SNRPN: variants seen among roughly 807,000 people sequenced by gnomAD.
SNRPN encodes small nuclear ribonucleoprotein polypeptide N.
A neutral mutation model predicts 25.2 loss-of-function variants in SNRPN; 7 were observed. The observed-to-expected ratio is 0.28, with a 90% confidence interval of 0.16 to 0.52. The LOEUF is 0.52. SNRPN is among the 20% of genes least tolerant of loss of function. The pLI, the probability that SNRPN is intolerant of heterozygous loss-of-function variation, is 0.96. For missense variants in SNRPN, 196 were observed against 322.5 expected (o/e 0.61, Z 3.00); for synonymous variants, 124 against 110.6 (o/e 1.12, Z -0.76).
At chr15:24,954,795 T>C, upstream of SNRPN, 1 of 570,372 alleles carries the variant, frequency 1.8e-6, no homozygotes. Flanking sequence ...AGAGGCCCCC[T>C]CTCATTGCAA....
intron 3 of SNRPN, among the ~76,000 whole-genome samples, chr15:24,921,896 T>C (rs11629768): frequency 0.72 from 109,258 of 152,002 alleles, 39,316 homozygotes; most frequent in South Asian, 0.82. Context: ...TATATGTTAG[T>C]GACGATAAAA....
At chr15:24,960,973 C>G (rs2074705012) in intron 1 of SNRPN, among the ~76,000 whole-genome samples, 1 of 151,856 alleles carries the variant, frequency 6.6e-6, no homozygotes, top group African/African-American at 2.4e-5. Flanking sequence ...TTTGGATTTT[C>G]TTTTTGTTTG....
intron 1 of SNRPN, among the ~76,000 whole-genome samples, chr15:24,956,355 G>GGGGGGC (rs2062883287): frequency 1.5e-5 from 1 of 66,050 alleles, no homozygotes; most frequent in Admixed American, 1.8e-4. Flanking sequence ...GCGCTTCAGC[G>GGGGGGC]GGGGGGTGGC....
intron 1 of SNRPN, among the ~76,000 whole-genome samples, chr15:24,867,054 C>A (rs151010598): frequency 3.2e-3 from 494 of 152,278 alleles, no homozygotes; most frequent in Non-Finnish European, 5.3e-3. Context: ...TTAACAATTT[C>A]TGCCTCATAG....
rs143144456 is a variant in SNRPN at position 24,831,551 on chromosome 15, T to C, written c.-579+1646T>C. On this transcript the variant is annotated intron_variant, in intron 2 of 12. Coordinates refer to the SNRPN transcript ENST00000400100. ...AATTTATTGTTAACTATAGTTACCA[T>C]GTTGTACAATCTCTTGATCTTTTTC... is the stretch of plus-strand genomic sequence containing the variant. 7.4e-3 allele frequency among the ~76,000 whole-genome samples: 1,123 copies of C among 152,168 alleles called. 20 individuals carry two copies. Among genetic ancestry groups the C allele is most frequent in the African/African-American group, 0.026 (1,064 of 41,430 alleles).
Position 24,955,005 on chromosome 15 carries a change from C to A in SNRPN, c.-448C>A. 6.2e-7 allele frequency: 1 copy of A among 1,611,446 alleles called. No individual in the cohort carries two copies. Among genetic ancestry groups the A allele is most frequent in the Non-Finnish European group, 8.5e-7 (1 of 1,179,652 alleles). On this transcript the variant is annotated 5_prime_UTR_variant, in exon 1 of 10. Transcript: ENST00000390687. ...GTCTGGCGCAGAGTGGAGCGGCCGC[C>A]GGAGATGCCTGACGCATCTGTCTGA...
chr15:24,834,728 C>CTCTCTCTCTCT lies in SNRPN; in HGVS notation c.-579+4823_-579+4824insTCTCTCTCTCT, dbSNP rs2050864758. On this transcript the variant is annotated intron_variant, in intron 2 of 12. Transcript: ENST00000400100. The stretch of plus-strand genomic sequence containing the variant: ...GAGTGAGACCTTGTCTCTCTCTCTC[C>CTCTCTCTCTCT]CTCTCTCTCTCTCTCTCTCTCTCTA... Among the ~76,000 whole-genome samples the CTCTCTCTCTCT allele has an allele frequency of 2.4e-3, 101 of 42,784 alleles. 5 individuals carry two copies. Among genetic ancestry groups the CTCTCTCTCTCT allele is most frequent in the Non-Finnish European group, 3.4e-3 (76 of 22,438 alleles). 28.1% of individuals were successfully genotyped at this position (42,784 alleles called of 152,430 possible).
chr15:24,874,435 TTAGAG>T (rs1450431108), intron 1 of SNRPN, among the ~76,000 whole-genome samples: 2 of 151,772 alleles, frequency 1.3e-5, no homozygotes, highest in Non-Finnish European at 2.9e-5. Flanking sequence ...TTCTCAGGCT[TTAGAG>T]TAAAGGTGGT....
intron 1 of SNRPN, among the ~76,000 whole-genome samples, chr15:24,881,911 G>A (rs1305596580): frequency 1.3e-5 from 2 of 152,110 alleles, no homozygotes; most frequent in Admixed American, 6.6e-5. Flanking sequence ...TCCTGGGCAG[G>A]CAAAAGAGCG....
intron 3 of SNRPN, among the ~76,000 whole-genome samples, chr15:24,948,321 C>A (rs1566941478): frequency 6.6e-6 from 1 of 151,894 alleles, no homozygotes; most frequent in Non-Finnish European, 1.5e-5. Context: ...ATCATGTTGG[C>A]CAGGATGGTC....
At chr15:24,930,308 T>C (rs1264594444) in intron 3 of SNRPN, among the ~76,000 whole-genome samples, 2 of 151,508 alleles carry the variant, frequency 1.3e-5, no homozygotes, top group African/African-American at 4.8e-5. Flanking sequence ...TTCTTTTTAT[T>C]TCAATGATGA....
chr15:24,867,368 T>A (rs1413694260), intron 1 of SNRPN, among the ~76,000 whole-genome samples: 1 of 145,284 alleles, frequency 6.9e-6, no homozygotes, highest in Non-Finnish European at 1.5e-5. Flanking sequence ...GTCTTTATAT[T>A]TAAATAAGTT....
chr15:24,927,220 A>C (rs1473171183), intron 3 of SNRPN, among the ~76,000 whole-genome samples: 2 of 151,766 alleles, frequency 1.3e-5, no homozygotes, highest in Non-Finnish European at 2.9e-5. Flanking sequence ...TCCTGGGTTC[A>C]AAGAAACCTC....
chr15:24,879,170 C>T (rs568660270), intron 1 of SNRPN, among the ~76,000 whole-genome samples: 231 of 152,254 alleles, frequency 1.5e-3, no homozygotes, highest in Non-Finnish European at 2.6e-3. Context: ...TGCGGTGGCT[C>T]ACGCCTGTAA....
At chr15:24,962,302 T>TTATC in intron 2 of SNRPN, 93 bp downstream of exon 2, 1 of 1,006,638 alleles carries the variant, frequency 9.9e-7, no homozygotes, top group Non-Finnish European at 1.5e-6. Context: ...AAAATGAACA[T>TTATC]AATTGAAGAA....
chr15:24,900,206 A>G (rs1013552917), intron 2 of SNRPN, among the ~76,000 whole-genome samples: 2 of 152,224 alleles, frequency 1.3e-5, no homozygotes, highest in Non-Finnish European at 2.9e-5. Context: ...TTACGAACAG[A>G]AAATAACAAG....
chr15:24,929,314 C>A lies in SNRPN; in HGVS notation c.-391+9190C>A, dbSNP rs1254311401. On this transcript the variant is annotated intron_variant, in intron 3 of 11. Coordinates refer to the SNRPN transcript ENST00000400097. This position sits in a 1 kb window ranked among gnomAD's most constrained non-coding sequence, Gnocchi z 5.3. The stretch of plus-strand genomic sequence containing the variant: ...CCCTCTCTCCCAGTGAGTGTCACCC[C>A]ATTTCTGTTTCATCTCTTTCCCTAC... Among the ~76,000 whole-genome samples the A allele has an allele frequency of 6.6e-6, 1 of 152,128 alleles. No homozygotes were observed. Among genetic ancestry groups the A allele is most frequent in the Non-Finnish European group, 1.5e-5 (1 of 68,032 alleles).
intron 1 of SNRPN, among the ~76,000 whole-genome samples, chr15:24,955,910 G>A (rs1206396866): frequency 2.0e-5 from 3 of 152,080 alleles, no homozygotes; most frequent in African/African-American, 7.2e-5. Context: ...AAGGGACGCT[G>A]AATGATTGCT....
intron 2 of SNRPN, among the ~76,000 whole-genome samples, chr15:24,845,319 C>A (rs1301869599): frequency 6.6e-6 from 1 of 152,178 alleles, no homozygotes; most frequent in Non-Finnish European, 1.5e-5. Context: ...GAAATAATGG[C>A]CAGGTGCGGT....
Sources: allele counts gnomAD v4.1 joint callset (sites outside exome capture counted in the v4.1 genomes callset), GRCh38; gene constraint gnomAD v4.1.1; non-coding constraint Gnocchi (gnomAD v3.1); transcripts MANE v1.5; gene names NCBI Gene and HGNC (gene_info 2026-07-23, HGNC 2026-07-21).